Variants in KLHL5 observed in about 807,000 individuals in gnomAD.
KLHL5 encodes kelch like family member 5, also known as kelch-like protein 5.
KLHL5 carries 48 observed loss-of-function variants against 77.7 expected under a neutral mutation model. The ratio of observed to expected loss-of-function variants is 0.62; its 90% CI spans 0.49 to 0.79. The LOEUF (loss-of-function observed/expected upper bound fraction) is 0.79. KLHL5 is among the 30% of genes least tolerant of loss of function. The probability of loss-of-function intolerance (pLI) is 0.00; values close to 1 mark genes in which losing one functional copy is unlikely to be tolerated. For synonymous variants in KLHL5, 260 were observed against 297.0 expected (o/e 0.88, Z 1.28); for missense variants, 723 against 859.7 (o/e 0.84, Z 1.99).
In KLHL5 at chr4:39,115,272, G is replaced by T; in HGVS notation, c.2015G>T (p.Gly672Val). ...TTATATGCTGTTGGGGGGTATGATG[G>T]ACAGGCATACCTTAATACTGTGGAG... The part of the protein sequence containing the change: ...DKLYAVGGYD[G>V]QAYLNTVEAY... The change falls in exon 10 of 11, where the codon GGA becomes GTA. Residue 672 changes from glycine to valine, a missense_variant. Physicochemically the swap from Gly to Val is moderately radical, Grantham distance 109. This residue lies in a region of KLHL5 where 214 missense variants were observed against 237.4 expected (regional missense o/e 0.90). Coordinates refer to ENST00000504108, the MANE Select transcript of KLHL5 (RefSeq NM_015990.5). The T allele has an allele frequency of 1.2e-6, 2 of 1,614,022 alleles. No individual in the cohort carries two copies. The highest frequency in any genetic ancestry group is 1.7e-6 in the Non-Finnish European group (2 of 1,179,952).
Position 39,075,973 on chromosome 4 carries a change from ATAG to A in KLHL5, c.397_399del (p.Ser133del). ...TTTTTTTTTCTTTTCAGGACTTCCA[ATAG>A]TAGTCAGACATTATCATCCTGTCAT... On this transcript the variant is annotated inframe_deletion, in exon 2 of 11. Coordinates refer to ENST00000504108, the MANE Select transcript of KLHL5 (RefSeq NM_015990.5). 2 of 1,607,546 alleles carry A rather than the reference ATAG, an allele frequency of 1.2e-6. No homozygotes were observed. Among genetic ancestry groups the A allele is most frequent in the South Asian group, 1.1e-5 (1 of 88,866 alleles).
chr4:39,083,650 T>G (rs1250762654), intron 4 of KLHL5, among the ~76,000 whole-genome samples: 1 of 152,216 alleles, frequency 6.6e-6, no homozygotes, highest in Non-Finnish European at 1.5e-5. Flanking sequence ...ACCTGCAGTT[T>G]CAACTACTTT....
intron 5 of KLHL5, among the ~76,000 whole-genome samples, chr4:39,088,568 TG>T (rs781123142): frequency 2.6e-5 from 4 of 152,084 alleles, no homozygotes; most frequent in Non-Finnish European, 4.4e-5. Flanking sequence ...GTAAAATTGC[TG>T]GGGGTGGCAG....
At chr4:39,068,539 C>A (rs927649093) in intron 1 of KLHL5, among the ~76,000 whole-genome samples, 5 of 151,794 alleles carry the variant, frequency 3.3e-5, no homozygotes, top group African/African-American at 1.2e-4. Context: ...CATCAAAGTT[C>A]TTAGTTTTAA....
At position 39,063,038 on chromosome 4, in the gene KLHL5, T is replaced by G. The variant is rs775359411; in HGVS notation, c.383+3T>G. 10 of 1,607,084 alleles carry G rather than the reference T, an allele frequency of 6.2e-6. No homozygotes were observed. The highest frequency in any genetic ancestry group is 1.7e-5 in the Admixed American group (1 of 59,206). ...GAATCTGATTCCAGTTCATGCAGGT[T>G]GATTATTTTCTTACTGTTAGAAAAG... On this transcript the variant is annotated splice_donor_region_variant and intron_variant, in intron 1 of 10. Transcript: ENST00000504108.
rs1205633729 is a variant in KLHL5 at position 39,107,602 on chromosome 4, T to C, written c.1559T>C (p.Val520Ala). 2.5e-6 allele frequency: 4 copies of C among 1,612,382 alleles called. No homozygotes were observed. Among genetic ancestry groups the C allele is most frequent in the Non-Finnish European group, 3.4e-6 (4 of 1,178,832 alleles). The change falls in exon 8 of 11, where the codon GTA (valine) becomes GCA (alanine). Residue 520 changes from valine to alanine, a missense_variant. This residue lies in a region of KLHL5 where 214 missense variants were observed against 237.4 expected (regional missense o/e 0.90). Coordinates refer to ENST00000504108, the MANE Select transcript of KLHL5 (RefSeq NM_015990.5). ...VAVLEGPMYA[V>A]GGHDGWSYLN... ...GTACTGGAAGGTCCCATGTATGCCG[T>C]AGGAGGACATGATGGCTGGAGCTAT...
intron 5 of KLHL5, among the ~76,000 whole-genome samples, chr4:39,094,220 G>A (rs770669660): frequency 3.9e-5 from 6 of 152,016 alleles, no homozygotes; most frequent in Non-Finnish European, 7.4e-5. Context: ...GTTAATACAA[G>A]TGTAATCAGT....
the KLHL5 span, among the ~76,000 whole-genome samples, chr4:39,132,338 T>C: frequency 2.0e-5 from 3 of 152,162 alleles, no homozygotes; most frequent in Non-Finnish European, 4.4e-5. Flanking sequence ...ACTGGGCGTG[T>C]TGGCTCACTC....
In KLHL5 at chr4:39,121,890, T is replaced by C. The variant is rs1228050329; in HGVS notation, c.*824T>C. The C allele has an allele frequency of 2.6e-5, 4 of 152,616 alleles. No individual in the cohort carries two copies. Among genetic ancestry groups the C allele is most frequent in the African/African-American group, 7.2e-5 (3 of 41,462 alleles). The allele number at this position is 152,616 out of a possible 1,614,324, so 9.5% of individuals were successfully genotyped here. Reference sequence around the variant, plus strand: ...TGGATTTGTTTTATATTATAAAAGATGTTTTGATTTTGTCTTTTGATATTG... The same window carrying C: ...TGGATTTGTTTTATATTATAAAAGACGTTTTGATTTTGTCTTTTGATATTG... On this transcript the variant is annotated 3_prime_UTR_variant, in exon 11 of 11. Coordinates refer to ENST00000504108, the MANE Select transcript of KLHL5 (RefSeq NM_015990.5).
intron 5 of KLHL5, chr4:39,093,424 T>C (rs2109449629): frequency 2.2e-6 from 1 of 456,000 alleles, no homozygotes; most frequent in South Asian, 1.5e-5. Context: ...ATGGTAATGG[T>C]TCCACAACTT....
At chr4:39,083,456 A>C (rs1393018602) in intron 4 of KLHL5, among the ~76,000 whole-genome samples, 1 of 152,202 alleles carries the variant, frequency 6.6e-6, no homozygotes, top group African/African-American at 2.4e-5. Flanking sequence ...TGGTGTAATC[A>C]TTTCTCAGGA....
intron 7 of KLHL5, 41 bp downstream of exon 7, chr4:39,103,552 C>A (rs777293353): frequency 1.3e-6 from 2 of 1,484,478 alleles, no homozygotes; most frequent in Non-Finnish European, 1.9e-6. Context: ...TATCACATAG[C>A]TCCCACGGCA....
At position 39,065,357 on chromosome 4, in the gene KLHL5, T is replaced by A. The variant is rs1056106088; in HGVS notation, c.383+2322T>A. 1.3e-3 allele frequency among the ~76,000 whole-genome samples: 19 copies of A among 14,170 alleles called. No individual in the cohort carries two copies. The East Asian group carries it at 0.08, about 60-fold the overall frequency. The allele number at this position is 14,170 out of a possible 152,430, so 9.3% of individuals were successfully genotyped here. ...TAATGTCACACTGACATTCATCAAT[T>A]TTTTTTTTTTTTTTTTGAGACAGAG... On this transcript the variant is annotated intron_variant, in intron 1 of 10. Coordinates refer to ENST00000504108, the MANE Select transcript of KLHL5 (RefSeq NM_015990.5).
chr4:39,095,050 C>T (rs1463176763), intron 5 of KLHL5, among the ~76,000 whole-genome samples: 1 of 151,700 alleles, frequency 6.6e-6, no homozygotes, highest in Non-Finnish European at 1.5e-5. Context: ...ATGAAACAAC[C>T]TTAATAGACA....
At chr4:39,063,065 G>T in intron 1 of KLHL5, 30 bp downstream of exon 1, 1 of 1,540,130 alleles carries the variant, frequency 6.5e-7, no homozygotes, top group South Asian at 1.2e-5. Flanking sequence ...TTAGAAAAGG[G>T]GTGTGGGGGT....
chr4:39,093,513 G>A (rs779259713), intron 5 of KLHL5: 3 of 447,056 alleles, frequency 6.7e-6, no homozygotes, highest in Non-Finnish European at 9.0e-6. Context: ...CAATAAAATT[G>A]TAAAGAAATA....
intron 7 of KLHL5, among the ~76,000 whole-genome samples, chr4:39,105,628 G>T (rs1049900419): frequency 1.3e-5 from 2 of 150,570 alleles, no homozygotes; most frequent in African/African-American, 4.9e-5. Flanking sequence ...ATTTTAATGT[G>T]TATTTATATG....
At chr4:39,106,616 A>G (rs994150330) in intron 7 of KLHL5, among the ~76,000 whole-genome samples, 22 of 152,340 alleles carry the variant, frequency 1.4e-4, no homozygotes, top group East Asian at 5.8e-4. Flanking sequence ...ATTTGAATTA[A>G]CAGGGGGGAA....
At chr4:39,052,903 G>A (rs763022878) in intron 1 of KLHL5, among the ~76,000 whole-genome samples, 3 of 152,092 alleles carry the variant, frequency 2.0e-5, no homozygotes, top group Admixed American at 6.6e-5. Flanking sequence ...TAAGAACATT[G>A]GATTTAATCT....
Sources: allele counts gnomAD v4.1 joint callset (sites outside exome capture counted in the v4.1 genomes callset), GRCh38; gene constraint gnomAD v4.1.1; regional missense constraint gnomAD v4.1.1; transcripts MANE v1.5; gene names NCBI Gene and HGNC (gene_info 2026-07-23, HGNC 2026-07-21).